The following ANKS1B variants were observed in gnomAD, a reference collection of about 807,000 sequenced individuals.
ANKS1B encodes ankyrin repeat and sterile alpha motif domain containing 1B.
A neutral mutation model predicts 148.3 loss-of-function variants in ANKS1B; 36 were observed. The observed-to-expected ratio is 0.24, with a 90% CI of 0.19 to 0.32. ANKS1B has a LOEUF of 0.32. Among genes scored for constraint, ANKS1B ranks in the 10% least tolerant of loss-of-function variants. The pLI is 1.00. For missense variants in ANKS1B, 1,157 were observed against 1,542.6 expected, an observed-to-expected ratio of 0.75 and a Z score of 4.19; for synonymous variants, 542 against 560.8, an observed-to-expected ratio of 0.97 and a Z score of 0.47.
At chr12:99,653,685 T>G (rs910576058) in intron 9 of ANKS1B, among the ~76,000 whole-genome samples, 1 of 148,404 alleles carries the variant, frequency 6.7e-6, no homozygotes, top group African/African-American at 2.5e-5. Context: ...TTTCTTTTTT[T>G]TTTTTTTTTT....
intron 10 of ANKS1B, among the ~76,000 whole-genome samples, chr12:99,479,923 G>C (rs1419467048): frequency 1.3e-5 from 2 of 151,820 alleles, no homozygotes. Context: ...GTAGGTATGT[G>C]AGGTGATGGA....
intron 9 of ANKS1B, among the ~76,000 whole-genome samples, chr12:99,611,628 T>A (rs181723096): frequency 1.3e-5 from 2 of 152,204 alleles, no homozygotes; most frequent in Admixed American, 6.6e-5. Flanking sequence ...GACATCTCCA[T>A]CTTATGTGAA....
At chr12:99,768,825 GAA>G (rs71088151) in intron 8 of ANKS1B, among the ~76,000 whole-genome samples, 1 of 69,406 alleles carries the variant, frequency 1.4e-5, no homozygotes, top group South Asian at 6.9e-4. Flanking sequence ...CTCCGTCTCA[GAA>G]AAAAAAAAAA....
intron 17 of ANKS1B, among the ~76,000 whole-genome samples, chr12:98,925,026 A>G (rs1447392691): frequency 6.6e-6 from 1 of 152,206 alleles, no homozygotes; most frequent in East Asian, 1.9e-4. Context: ...TCCAAACCAA[A>G]GTGACCTATA....
intron 17 of ANKS1B, among the ~76,000 whole-genome samples, chr12:98,843,001 G>A (rs17028742): frequency 0.073 from 11,155 of 152,192 alleles, 1,303 homozygotes; most frequent in African/African-American, 0.25. Context: ...GGATGTTTGC[G>A]GAGTGATCAC....
At chr12:99,589,027 C>T (rs1405995648) in intron 9 of ANKS1B, among the ~76,000 whole-genome samples, 1 of 152,206 alleles carries the variant, frequency 6.6e-6, no homozygotes, top group Non-Finnish European at 1.5e-5. Flanking sequence ...ACACTTCAAA[C>T]TCTCCTCAAA....
chr12:99,074,589 G>A (rs546368165), intron 16 of ANKS1B, among the ~76,000 whole-genome samples: 26 of 152,232 alleles, frequency 1.7e-4, no homozygotes, highest in African/African-American at 4.8e-4. Flanking sequence ...TCCTTCTCTC[G>A]ATGTGACCCC....
chr12:99,874,716 C>G (rs1224680774), intron 1 of ANKS1B, among the ~76,000 whole-genome samples: 2 of 152,172 alleles, frequency 1.3e-5, no homozygotes, highest in Non-Finnish European at 1.5e-5. Flanking sequence ...TATGCTGCTC[C>G]AGACAGGCCT....
At chr12:98,930,972 T>C (rs115687158) in intron 17 of ANKS1B, among the ~76,000 whole-genome samples, 3,366 of 152,134 alleles carry the variant, frequency 0.022, 127 homozygotes, top group African/African-American at 0.072. Context: ...TTCTCCCCTA[T>C]TGGGACAATT....
intron 17 of ANKS1B, among the ~76,000 whole-genome samples, chr12:99,029,713 T>C (rs1442267465): frequency 2.0e-5 from 3 of 152,222 alleles, no homozygotes; most frequent in African/African-American, 7.2e-5. Context: ...TTAACAGAAG[T>C]TCTGGAAGAA....
chr12:98,819,134 C>G (rs1200695185), intron 19 of ANKS1B, among the ~76,000 whole-genome samples: 1 of 152,160 alleles, frequency 6.6e-6, no homozygotes, highest in African/African-American at 2.4e-5. Flanking sequence ...TGAGTGGCAA[C>G]TAAGTCTTAG....
At chr12:99,689,751 C>T (rs2079997820) in intron 8 of ANKS1B, among the ~76,000 whole-genome samples, 1 of 152,258 alleles carries the variant, frequency 6.6e-6, no homozygotes. Flanking sequence ...AGCAACTCTC[C>T]TCCAATAGTC....
chr12:99,896,486 T>C (rs1242702707), intron 1 of ANKS1B, among the ~76,000 whole-genome samples: 1 of 151,360 alleles, frequency 6.6e-6, no homozygotes, highest in African/African-American at 2.4e-5. Context: ...AATTTCTTTA[T>C]CCATTCATCT....
intron 2 of ANKS1B, among the ~76,000 whole-genome samples, chr12:99,821,498 CA>C (rs2082496488): frequency 6.6e-6 from 1 of 151,122 alleles, no homozygotes; most frequent in Admixed American, 6.6e-5. Flanking sequence ...TGCCATGGGC[CA>C]TAGAAAAACA....
At chr12:99,314,005 A>G (rs1345272598) in intron 12 of ANKS1B, among the ~76,000 whole-genome samples, 2 of 152,264 alleles carry the variant, frequency 1.3e-5, no homozygotes, top group East Asian at 3.9e-4. Flanking sequence ...ACATGACTAT[A>G]TACTTATAAA....
At chr12:99,904,812 C>T (rs531440473) in intron 1 of ANKS1B, among the ~76,000 whole-genome samples, 12 of 152,166 alleles carry the variant, frequency 7.9e-5, no homozygotes, top group East Asian at 7.7e-4. Flanking sequence ...TCAAAACTAC[C>T]GAGTTGGATC....
rs117779843 is a variant in ANKS1B at position 99,865,405 on chromosome 12, C to T, written c.135-40016G>A. Among the ~76,000 whole-genome samples the T allele has an allele frequency of 1.7e-3, 251 of 152,042 alleles. 7 individuals carry two copies. In the East Asian group the frequency reaches 0.041, roughly 25 times the overall value. On this transcript the variant is annotated intron_variant, in intron 1 of 26. Transcript: ENST00000683438. Reference sequence around the variant, plus strand: ...GTATATGTGAAATAACCTCAGGGGTCGGTGGGAGGGGGAAAGGGGTTATTT... The same window carrying T: ...GTATATGTGAAATAACCTCAGGGGTTGGTGGGAGGGGGAAAGGGGTTATTT...
At chr12:99,634,088 AT>A (rs763016398) in intron 9 of ANKS1B, among the ~76,000 whole-genome samples, 11 of 152,172 alleles carry the variant, frequency 7.2e-5, no homozygotes, top group Non-Finnish European at 1.5e-4. Context: ...GCAATATACT[AT>A]GGTTTGAATA....
chr12:99,919,655 T>C (rs1181456076), intron 1 of ANKS1B, among the ~76,000 whole-genome samples: 1 of 152,054 alleles, frequency 6.6e-6, no homozygotes, highest in Admixed American at 6.6e-5. Context: ...GGTCACCCCA[T>C]AGGGGTAGAC....
Sources: allele counts gnomAD v4.1 joint callset (sites outside exome capture counted in the v4.1 genomes callset), GRCh38; gene constraint gnomAD v4.1.1; transcripts MANE v1.5; gene names NCBI Gene and HGNC (gene_info 2026-07-23, HGNC 2026-07-21).